Variants in GPHN observed in about 807,000 individuals in gnomAD.
GPHN encodes the protein gephyrin.
GPHN carries 17 observed loss-of-function variants against 95.5 expected under a neutral mutation model. That is an observed-to-expected ratio of 0.18 (90% CI 0.12 to 0.27). GPHN has a LOEUF of 0.27. GPHN is among the 10% of genes least tolerant of loss of function. The pLI is 1.00. For missense variants in GPHN, 660 were observed against 978.1 expected (o/e 0.67, Z 4.34); for synonymous variants, 320 against 322.5 (o/e 0.99, Z 0.08).
At chr14:66,814,116 C>A (rs1483332869) in intron 3 of GPHN, among the ~76,000 whole-genome samples, 1 of 152,180 alleles carries the variant, frequency 6.6e-6, no homozygotes, top group Non-Finnish European at 1.5e-5. Context: ...TTGCTGACCA[C>A]CATTGCAGAC....
At chr14:66,895,121 G>A (rs898718434) in intron 5 of GPHN, among the ~76,000 whole-genome samples, 24 of 152,266 alleles carry the variant, frequency 1.6e-4, no homozygotes, top group East Asian at 7.7e-4. Context: ...ATGTCCATCA[G>A]TGATAGACTG....
At chr14:67,033,695 T>C (rs1345649655) in intron 10 of GPHN, among the ~76,000 whole-genome samples, 1 of 152,170 alleles carries the variant, frequency 6.6e-6, no homozygotes, top group Non-Finnish European at 1.5e-5. Context: ...TTCCCAAATT[T>C]GATGAAAGAA....
chr14:67,221,777 A>G, the GPHN span: 1 of 1,613,338 alleles, frequency 6.2e-7, no homozygotes, highest in East Asian at 2.2e-5. Flanking sequence ...TTATTTTTAC[A>G]GGAGCTTGAG....
At chr14:66,665,436 G>A (rs1297645895) in intron 1 of GPHN, among the ~76,000 whole-genome samples, 9 of 152,144 alleles carry the variant, frequency 5.9e-5, no homozygotes, top group East Asian at 1.9e-4. Context: ...ACAAGTGAGC[G>A]AAGGATATGA....
the GPHN span, among the ~76,000 whole-genome samples, chr14:67,548,892 T>C: frequency 6.6e-6 from 1 of 152,136 alleles, no homozygotes; most frequent in Non-Finnish European, 1.5e-5. Flanking sequence ...TACCAAAAAT[T>C]TGTAGTTCAG....
chr14:67,067,928 G>A (rs978727363), intron 11 of GPHN, among the ~76,000 whole-genome samples: 10 of 152,180 alleles, frequency 6.6e-5, no homozygotes, highest in African/African-American at 2.4e-4. Context: ...GTGACGCCCC[G>A]CCCTGCTTCG....
chr14:67,658,456 G>T, the GPHN span, among the ~76,000 whole-genome samples: 2 of 152,240 alleles, frequency 1.3e-5, no homozygotes, highest in South Asian at 2.1e-4. Flanking sequence ...AATTAGCCGG[G>T]CGTGGTGGTG....
chr14:67,662,085 G>C, the GPHN span, among the ~76,000 whole-genome samples: 7 of 152,040 alleles, frequency 4.6e-5, no homozygotes, highest in African/African-American at 1.5e-4. Flanking sequence ...GAACCCGGGA[G>C]GTGGAGCTTG....
chr14:66,689,553 T>C (rs193198712), intron 2 of GPHN, among the ~76,000 whole-genome samples: 1 of 152,336 alleles, frequency 6.6e-6, no homozygotes, highest in Admixed American at 6.5e-5. Flanking sequence ...ATCAGGGTAA[T>C]GCTGGCCTCT....
intron 4 of GPHN, among the ~76,000 whole-genome samples, chr14:66,841,662 G>A (rs113648012): frequency 6.6e-6 from 1 of 152,198 alleles, no homozygotes; most frequent in South Asian, 2.1e-4. Context: ...AGGTTTGAGG[G>A]GGAAGATCAG....
At chr14:67,097,941 A>G (rs1407765241) in intron 12 of GPHN, among the ~76,000 whole-genome samples, 1 of 152,182 alleles carries the variant, frequency 6.6e-6, no homozygotes, top group African/African-American at 2.4e-5. Flanking sequence ...AGTTTTATGA[A>G]ACAAGAGTCA....
At chr14:66,960,055 C>T (rs945651068) in intron 8 of GPHN, among the ~76,000 whole-genome samples, 16 of 151,632 alleles carry the variant, frequency 1.1e-4, no homozygotes, top group East Asian at 1.9e-4. Flanking sequence ...TTGTAATTTT[C>T]GGTGTTAGAA....
chr14:67,635,343 TTTACC>T, the GPHN span, among the ~76,000 whole-genome samples: 1 of 152,124 alleles, frequency 6.6e-6, no homozygotes, highest in African/African-American at 2.4e-5. Context: ...ACCAAATGAG[TTTACC>T]TAAATAACAG....
intron 1 of GPHN, among the ~76,000 whole-genome samples, chr14:66,609,738 T>C (rs1268870121): frequency 6.6e-6 from 1 of 152,194 alleles, no homozygotes; most frequent in Admixed American, 6.5e-5. Flanking sequence ...TAAATGCTTC[T>C]GATTGTACTA....
the GPHN span, among the ~76,000 whole-genome samples, chr14:67,437,974 C>T: frequency 6.6e-6 from 1 of 152,208 alleles, no homozygotes; most frequent in South Asian, 2.1e-4. Context: ...TGTGGTTGAG[C>T]CCACTGAGTC....
At chr14:66,646,382 A>G (rs1266823677) in intron 1 of GPHN, among the ~76,000 whole-genome samples, 7 of 152,220 alleles carry the variant, frequency 4.6e-5, no homozygotes, top group Admixed American at 3.3e-4. Flanking sequence ...GGGGATGTAA[A>G]ATGGTACATC....
chr14:67,321,208 A>G, the GPHN span: 1 of 1,614,226 alleles, frequency 6.2e-7, no homozygotes, highest in Admixed American at 1.7e-5. Context: ...TAGATTCTGT[A>G]CGGCAAGTGA....
At chr14:67,583,053 G>A in the GPHN span, among the ~76,000 whole-genome samples, 1 of 152,064 alleles carries the variant, frequency 6.6e-6, no homozygotes, top group Non-Finnish European at 1.5e-5. Context: ...AGGTATCTGG[G>A]ATACCTTCAT....
chr14:67,246,714 G>A, the GPHN span, among the ~76,000 whole-genome samples: 5 of 139,616 alleles, frequency 3.6e-5, no homozygotes, highest in Middle Eastern at 4.1e-3. Flanking sequence ...GCAGTGGCAC[G>A]ATATCAGCTC....
Sources: allele counts gnomAD v4.1 joint callset (sites outside exome capture counted in the v4.1 genomes callset), GRCh38; gene constraint gnomAD v4.1.1; transcripts MANE v1.5; gene names NCBI Gene and HGNC (gene_info 2026-07-23, HGNC 2026-07-21).